SREBF2: variants seen among roughly 807,000 people sequenced by gnomAD.
SREBF2 encodes sterol regulatory element-binding protein 2.
SREBF2 carries 55 observed loss-of-function variants against 113.1 expected under a neutral mutation model. The observed-to-expected ratio is 0.49, with a 90% CI of 0.39 to 0.61. The LOEUF (loss-of-function observed/expected upper bound fraction) is 0.61. SREBF2 is among the 20% of genes least tolerant of loss of function. SREBF2 has a pLI of 0.00. For missense variants in SREBF2, 1,349 were observed against 1,487.4 expected, an observed-to-expected ratio of 0.91 and a Z score of 1.53; for synonymous variants, 593 against 605.7, an observed-to-expected ratio of 0.98 and a Z score of 0.31.
chr22:41,871,039 A>G lies in SREBF2; in HGVS notation c.867+4A>G, dbSNP rs2077135666. 2 of 1,614,086 alleles carry G rather than the reference A, an allele frequency of 1.2e-6. No homozygotes were observed. Among genetic ancestry groups the G allele is most frequent in the East Asian group, 4.5e-5 (2 of 44,880 alleles). On this transcript the variant is annotated splice_donor_region_variant and intron_variant, in intron 4 of 18. Coordinates refer to ENST00000361204, the MANE Select transcript of SREBF2 (RefSeq NM_004599.4). ...GACGGCTGCCCTTCAAGTACCAGTA[A>G]GAGCTGCCTTCTCCCCCACCCTCCT...
At chr22:41,892,868 G>C (rs2077377826) in intron 11 of SREBF2, among the ~76,000 whole-genome samples, 2 of 152,180 alleles carry the variant, frequency 1.3e-5, no homozygotes, top group African/African-American at 4.8e-5. Flanking sequence ...CGCGTGCCTT[G>C]TGGCTGCTCC....
chr22:41,890,058 A>G (rs1389254363), intron 11 of SREBF2, among the ~76,000 whole-genome samples: 1 of 152,096 alleles, frequency 6.6e-6, no homozygotes, highest in Non-Finnish European at 1.5e-5. Flanking sequence ...GGTTATTAAG[A>G]ATCCAAAATA....
intron 1 of SREBF2, among the ~76,000 whole-genome samples, chr22:41,837,951 G>A (rs4822060): frequency 0.12 from 18,219 of 152,026 alleles, 1,626 homozygotes; most frequent in Admixed American, 0.31. Context: ...ACCCAATAAA[G>A]CATGTGTGCT....
chr22:41,882,332 T>C (rs535229555), intron 10 of SREBF2, among the ~76,000 whole-genome samples: 3 of 152,272 alleles, frequency 2.0e-5, no homozygotes, highest in South Asian at 2.1e-4. Flanking sequence ...AGAGCAACTT[T>C]CCAGGAAAAG....
intron 1 of SREBF2, among the ~76,000 whole-genome samples, chr22:41,864,998 C>T (rs763619260): frequency 5.9e-4 from 89 of 151,592 alleles, no homozygotes; most frequent in Non-Finnish European, 1.0e-3. Context: ...AGGCTGTTCT[C>T]AAACTCCTGA....
chr22:41,867,293 T>G lies in SREBF2; in HGVS notation c.538+13T>G, dbSNP rs1190157505. ...ACTAGCTTTCAAGGTGATTCAGAAGTTAGAATGGTAGTGGTTGGTTGGTTC... is the reference window on the plus strand; with the variant it reads ...ACTAGCTTTCAAGGTGATTCAGAAGGTAGAATGGTAGTGGTTGGTTGGTTC... On this transcript the variant is annotated intron_variant, in intron 2 of 18. Coordinates refer to ENST00000361204, the MANE Select transcript of SREBF2 (RefSeq NM_004599.4). The G allele has an allele frequency of 6.2e-7, 1 of 1,613,804 alleles. No individual in the cohort carries two copies. Among genetic ancestry groups the G allele is most frequent in the Non-Finnish European group, 8.5e-7 (1 of 1,179,888 alleles).
chr22:41,881,549 C>T (rs2077245926), intron 10 of SREBF2, among the ~76,000 whole-genome samples: 1 of 152,158 alleles, frequency 6.6e-6, no homozygotes. Context: ...ACCAGCTCTG[C>T]AGGAGATGAG....
intron 1 of SREBF2, among the ~76,000 whole-genome samples, chr22:41,848,371 G>A (rs2076897701): frequency 6.6e-6 from 1 of 152,264 alleles, no homozygotes; most frequent in East Asian, 1.9e-4. Flanking sequence ...ACAGGCGTGA[G>A]CCACCGCGCC....
At chr22:41,900,848 G>T in intron 16 of SREBF2, 1 of 510,732 alleles carries the variant, frequency 2.0e-6, no homozygotes, top group Non-Finnish European at 3.9e-6. Context: ...TCTGCAGGCA[G>T]CCTTGGAGTG....
At position 41,833,506 on chromosome 22, in the gene SREBF2, C is replaced by G. The variant is rs1027342057; in HGVS notation, c.88+148C>G. 3 of 584,752 alleles carry G rather than the reference C, an allele frequency of 5.1e-6. No homozygotes were observed. Among genetic ancestry groups the G allele is most frequent in the Non-Finnish European group, 8.3e-6 (3 of 360,210 alleles). 36.2% of individuals were successfully genotyped at this position (584,752 alleles called of 1,614,324 possible). On this transcript the variant is annotated intron_variant, in intron 1 of 18. Transcript: ENST00000361204. This position sits in a 1 kb window ranked among gnomAD's most constrained non-coding sequence, Gnocchi z 4.1. ...GCACGGTGCCCCCGGCGGTCCTCAA[C>G]CCTTCCGGCGCTGCGAGCGTGAGCC...
rs765167676 is a variant in SREBF2, at chr22:41,903,034, C to G, written c.2972C>G (p.Ala991Gly). The part of the protein sequence containing the change: ...SLRTALWQKQ[A>G]SASQAVGETY... ...CGGACAGCGCTCTGGCAAAAACAGGCCAGTGCCAGCCAGGCTGTGGGGGAG... is the reference window on the plus strand; with the variant it reads ...CGGACAGCGCTCTGGCAAAAACAGGGCAGTGCCAGCCAGGCTGTGGGGGAG... Residue 991 changes from alanine (A) to glycine (G), a missense_variant, in exon 17 of 19, where the codon GCC becomes GGC. Ala to Gly is a moderately conservative substitution (Grantham distance 60, BLOSUM62 0). This residue lies in a region of SREBF2 where 650 missense variants were observed against 644.1 expected (regional missense o/e 1.01). Coordinates refer to ENST00000361204, the MANE Select transcript of SREBF2 (RefSeq NM_004599.4). 1 of 1,609,542 alleles carries G rather than the reference C, an allele frequency of 6.2e-7. No individual in the cohort carries two copies. The highest frequency in any genetic ancestry group is 8.5e-7 in the Non-Finnish European group (1 of 1,178,286).
chr22:41,848,289 G>A (rs771349965), intron 1 of SREBF2, among the ~76,000 whole-genome samples: 5 of 151,916 alleles, frequency 3.3e-5, no homozygotes, highest in Admixed American at 1.3e-4. Context: ...GAGTTTCACC[G>A]TGTTAGCCAG....
intron 1 of SREBF2, among the ~76,000 whole-genome samples, chr22:41,850,453 A>T (rs2076917748): frequency 6.6e-6 from 1 of 151,904 alleles, no homozygotes; most frequent in Non-Finnish European, 1.5e-5. Context: ...CCATCTCAAA[A>T]AAAAAAAAAA....
At chr22:41,861,047 A>G (rs2077022245) in intron 1 of SREBF2, among the ~76,000 whole-genome samples, 1 of 152,242 alleles carries the variant, frequency 6.6e-6, no homozygotes, top group African/African-American at 2.4e-5. Context: ...AATGTTCTTC[A>G]TATTTATTAA....
In SREBF2 at chr22:41,897,953, A is replaced by G. The variant is rs542180371; in HGVS notation, c.2606-696A>G. Among the ~76,000 whole-genome samples, 9 of 152,330 alleles carry G rather than the reference A, an allele frequency of 5.9e-5. No homozygotes were observed. The South Asian group carries it at 1.9e-3, about 32-fold the overall frequency. ...ACAGGAGCCTGTTCCAGATACTTTG[A>G]AGATACCATTCTTTATGGCTATTGA... On this transcript the variant is annotated intron_variant, in intron 14 of 18. Coordinates refer to ENST00000361204, the MANE Select transcript of SREBF2 (RefSeq NM_004599.4).
intron 4 of SREBF2, among the ~76,000 whole-genome samples, chr22:41,873,197 CA>C (rs947364957): frequency 6.7e-6 from 1 of 149,998 alleles, no homozygotes; most frequent in African/African-American, 2.5e-5. Flanking sequence ...AACTCCGTCT[CA>C]AAAAAAATAA....
intron 1 of SREBF2, among the ~76,000 whole-genome samples, chr22:41,837,782 C>T (rs1332747636): frequency 2.1e-5 from 3 of 146,168 alleles, no homozygotes; most frequent in South Asian, 2.2e-4. Flanking sequence ...TGCTTGAACC[C>T]GGGAGGCAGA....
intron 1 of SREBF2, among the ~76,000 whole-genome samples, chr22:41,844,260 A>T (rs1333371647): frequency 3.3e-5 from 5 of 152,108 alleles, no homozygotes; most frequent in African/African-American, 9.7e-5. Flanking sequence ...AGAGGACAGG[A>T]CCTAACCTCT....
chr22:41,845,999 C>CAGCT, intron 1 of SREBF2, among the ~76,000 whole-genome samples: 1 of 152,200 alleles, frequency 6.6e-6, no homozygotes, highest in Non-Finnish European at 1.5e-5. Context: ...AAGGAGAGAG[C>CAGCT]AGCTGTGTTC....
Sources: gnomAD v4.1 joint callset for allele counts (sites outside exome capture counted in the v4.1 genomes callset) on GRCh38, gnomAD v4.1.1 for gene constraint, gnomAD v4.1.1 regional missense constraint, Gnocchi (gnomAD v3.1) non-coding constraint, MANE v1.5 for transcripts, NCBI Gene and HGNC (gene_info 2026-07-23, HGNC 2026-07-21) for gene names.